Variants in PPARA observed in about 807,000 individuals in gnomAD.
The protein encoded by PPARA is peroxisome proliferator activated receptor alpha, also known as peroxisome proliferator-activated receptor alpha.
PPARA carries 22 observed loss-of-function variants against 42.2 expected under a neutral mutation model. That is an observed-to-expected ratio of 0.52 (90% confidence interval 0.37 to 0.74). The LOEUF (loss-of-function observed/expected upper bound fraction) is 0.74, where lower values mean the gene tolerates loss of function less well. Among genes scored for constraint, PPARA ranks in the 30% least tolerant of loss-of-function variants. The pLI is 0.00. For missense variants in PPARA, 465 were observed against 608.2 expected (o/e 0.76, Z 2.48); for synonymous variants, 242 against 239.3 (o/e 1.01, Z -0.10).
intron 3 of PPARA, among the ~76,000 whole-genome samples, chr22:46,185,836 G>C (rs1309882143): frequency 4.3e-5 from 6 of 139,312 alleles, no homozygotes; most frequent in African/African-American, 1.6e-4. Context: ...CAGAGGTTGT[G>C]GTGAGCCAAG....
At chr22:46,205,390 TG>T (rs1241537757) in intron 4 of PPARA, among the ~76,000 whole-genome samples, 3 of 149,238 alleles carry the variant, frequency 2.0e-5, no homozygotes, top group African/African-American at 7.4e-5. Context: ...GTAAGTTTTT[TG>T]TATTTATTTG....
At chr22:46,174,603 G>A (rs1928727864) in intron 2 of PPARA, among the ~76,000 whole-genome samples, 1 of 151,908 alleles carries the variant, frequency 6.6e-6, no homozygotes. Flanking sequence ...GATCACCTGA[G>A]CTCAGGAGTT....
chr22:46,215,043 G>T (rs971184746), intron 4 of PPARA, 130 bp from the exon 5 acceptor site: 7 of 1,140,130 alleles, frequency 6.1e-6, no homozygotes, highest in Non-Finnish European at 9.1e-6. Context: ...GCCCGGCCCC[G>T]CATGGGTGTT....
chr22:46,224,028 A>T lies in PPARA; in HGVS notation c.711+4014A>T, dbSNP rs1180075894. Among the ~76,000 whole-genome samples, 2 of 152,164 alleles carry T rather than the reference A, an allele frequency of 1.3e-5. No individual in the cohort carries two copies. Among genetic ancestry groups the T allele is most frequent in the African/African-American group, 4.8e-5 (2 of 41,428 alleles). ...ACAATTTGGTTTTCTGTAGAAAAAG[A>T]GAACCGGGCACTCTTCCGAGAGTCA... is the stretch of plus-strand genomic sequence containing the variant. On this transcript the variant is annotated intron_variant, in intron 7 of 8. Transcript: ENST00000407236. This position sits in a 1 kb window ranked among gnomAD's most constrained non-coding sequence, Gnocchi z 5.7.
rs60894989 is a variant in PPARA, at chr22:46,217,819, C to CTTTTTT, written c.370-420_370-415dup. Among the ~76,000 whole-genome samples the CTTTTTT allele has an allele frequency of 5.2e-3, 400 of 77,058 alleles. 27 individuals carry two copies. The highest frequency in any genetic ancestry group is 0.013 in the African/African-American group (206 of 16,198). The allele number at this position is 77,058 out of a possible 152,430, so 50.6% of individuals were successfully genotyped here. On this transcript the variant is annotated intron_variant, in intron 5 of 8. Transcript: ENST00000407236. Reference sequence around the variant, plus strand: ...GACTTCTTAGAAGAACTATTTCTTTCTTTTTTTTTTTTTTTTTTTTTTTTT... The same window carrying CTTTTTT: ...GACTTCTTAGAAGAACTATTTCTTTCTTTTTTTTTTTTTTTTTTTTTTTTTTTTTTT...
chr22:46,157,262 T>C (rs1015825420), intron 2 of PPARA, among the ~76,000 whole-genome samples: 1 of 152,238 alleles, frequency 6.6e-6, no homozygotes, highest in South Asian at 2.1e-4. Context: ...GAAGAATGTA[T>C]TGATGGGCCT....
chr22:46,223,966 A>AAAGAAATG (rs1935205237), intron 7 of PPARA, among the ~76,000 whole-genome samples: 1 of 151,664 alleles, frequency 6.6e-6, no homozygotes, highest in South Asian at 2.1e-4. Flanking sequence ...AAAAAAAAAG[A>AAAGAAATG]AAGAAATGAT....
At chr22:46,220,059 C>T in intron 7 of PPARA, 45 bp downstream of exon 7, 1 of 1,594,750 alleles carries the variant, frequency 6.3e-7, no homozygotes, top group Non-Finnish European at 8.6e-7. Flanking sequence ...AACATGGAAC[C>T]AGTGTCGTAG....
chr22:46,228,929 C>G (rs1165961665), intron 7 of PPARA, among the ~76,000 whole-genome samples: 2 of 151,404 alleles, frequency 1.3e-5, no homozygotes, highest in African/African-American at 4.9e-5. Context: ...ACGGTGAAAC[C>G]CCGTCTCTAC....
intron 2 of PPARA, among the ~76,000 whole-genome samples, chr22:46,168,856 G>A (rs1031591664): frequency 3.3e-5 from 5 of 151,888 alleles, no homozygotes; most frequent in African/African-American, 1.2e-4. Context: ...AGCCACTTTG[G>A]AAAACATTTT....
rs937737671 is a variant in PPARA, at chr22:46,225,226, G to A, written c.711+5212G>A. On this transcript the variant is annotated intron_variant, in intron 7 of 8. Transcript: ENST00000407236. This position sits in a 1 kb window ranked among gnomAD's most constrained non-coding sequence, Gnocchi z 4.1. ...TTTGAGCCCCTGAGATTTCAGAACC[G>A]TGGGCCAGAAAATGGTCAGGGCCCT... Among the ~76,000 whole-genome samples the A allele has an allele frequency of 2.0e-5, 3 of 152,150 alleles. No individual in the cohort carries two copies. The highest frequency in any genetic ancestry group is 2.9e-5 in the Non-Finnish European group (2 of 68,014).
In PPARA at chr22:46,232,095, A is replaced by T. The variant is rs765161066; in HGVS notation, c.1015A>T (p.Ile339Leu). The T allele has an allele frequency of 6.8e-6, 11 of 1,614,254 alleles. No homozygotes were observed. The highest frequency in any genetic ancestry group is 9.3e-6 in the Non-Finnish European group (11 of 1,180,048). Residue 339 changes from isoleucine (I) to leucine (L), a missense_variant, in exon 8 of 9, where the codon ATA becomes TTA. Physicochemically the swap from Ile to Leu is conservative, Grantham distance 5 (BLOSUM62 2). Transcript: ENST00000407236. The surrounding 1 kb of genome is among the most constrained non-coding windows in gnomAD (Gnocchi z 5.3). Reference protein sequence around the residue: ...GMLVAYGNGFITREFLKSLRK... With the variant: ...GMLVAYGNGFLTREFLKSLRK... ...GCTGGTAGCGTATGGAAATGGGTTT[A>T]TAACTCGTGAATTCCTAAAAAGCCT...
chr22:46,219,840 T>C lies in PPARA; in HGVS notation c.537T>C (p.Ser179=). ...TTCGTTTTGGACGAATGCCAAGATCTGAGAAAGCAAAACTGAAAGCAGAAA... is the reference window on the plus strand; with the variant it reads ...TTCGTTTTGGACGAATGCCAAGATCCGAGAAAGCAAAACTGAAAGCAGAAA... ...NAIRFGRMPR[S]EKAKLKAEIL... is the part of the protein sequence containing the mutation. Residue 179 remains serine, a synonymous_variant, in exon 7 of 9, where the codon TCT becomes TCC. Coordinates refer to ENST00000407236, the MANE Select transcript of PPARA (RefSeq NM_005036.6). This position sits in a 1 kb window ranked among gnomAD's most constrained non-coding sequence, Gnocchi z 4.8. 1 of 1,614,210 alleles carries C rather than the reference T, an allele frequency of 6.2e-7. No individual in the cohort carries two copies. The highest frequency in any genetic ancestry group is 8.5e-7 in the Non-Finnish European group (1 of 1,180,040).
At position 46,242,731 on chromosome 22, in the gene PPARA, G is replaced by GCGCGCGCGCGCGCACACACACA. The variant is rs10643430; in HGVS notation, c.*7352_*7353insGCGCGCGCGCGCACACACACAC. On this transcript the variant is annotated 3_prime_UTR_variant, in exon 9 of 9. Coordinates refer to ENST00000407236, the MANE Select transcript of PPARA (RefSeq NM_005036.6). This position sits in a 1 kb window ranked among gnomAD's most constrained non-coding sequence, Gnocchi z 6.1. ...AAATACACTGCGTACACGTGTGCGT[G>GCGCGCGCGCGCGCACACACACA]CACACACACACACACACACACACAC... 7.5e-6 allele frequency: 1 copy of GCGCGCGCGCGCGCACACACACA among 132,700 alleles called. No homozygotes were observed. Among genetic ancestry groups the GCGCGCGCGCGCGCACACACACA allele is most frequent in the African/African-American group, 2.5e-5 (1 of 39,858 alleles). 8.2% of individuals were successfully genotyped at this position (132,700 alleles called of 1,614,324 possible). A position where few individuals can be genotyped will look rare whatever the true frequency, so the allele number is the denominator to read the frequency against.
intron 2 of PPARA, among the ~76,000 whole-genome samples, chr22:46,168,242 C>T (rs1032523599): frequency 7.4e-5 from 11 of 148,994 alleles, no homozygotes; most frequent in African/African-American, 2.7e-4. Context: ...GTCCTAGCTA[C>T]TCGGGAGGCT....
rs1935644840 is a variant in PPARA at position 46,228,655 on chromosome 22, G to A, written c.712-3137G>A. Among the ~76,000 whole-genome samples the A allele has an allele frequency of 2.0e-5, 3 of 152,180 alleles. No individual in the cohort carries two copies. In the South Asian group the frequency reaches 6.2e-4, roughly 32 times the overall value. ...ACCAAAAAACAATAAATAACACCAA[G>A]CATTCTGTAATCAAACACTGTAGGA... On this transcript the variant is annotated intron_variant, in intron 7 of 8. Transcript: ENST00000407236.
intron 3 of PPARA, among the ~76,000 whole-genome samples, chr22:46,194,273 G>T (rs1931930973): frequency 6.6e-6 from 1 of 152,202 alleles, no homozygotes; most frequent in East Asian, 1.9e-4. Context: ...ATTGTATCTT[G>T]GTTAGCTCTT....
At chr22:46,226,026 T>C (rs776209468) in intron 7 of PPARA, among the ~76,000 whole-genome samples, 1 of 151,580 alleles carries the variant, frequency 6.6e-6, no homozygotes, top group Non-Finnish European at 1.5e-5. Flanking sequence ...TTCACACAGA[T>C]GCATACACAC....
At chr22:46,206,925 AG>A (rs1384218371) in intron 4 of PPARA, among the ~76,000 whole-genome samples, 48 of 152,100 alleles carry the variant, frequency 3.2e-4, no homozygotes, top group African/African-American at 1.2e-3. Context: ...CATTCTAGAA[AG>A]TATGTGATTC....
Sources: allele counts gnomAD v4.1 joint callset (sites outside exome capture counted in the v4.1 genomes callset), GRCh38; gene constraint gnomAD v4.1.1; non-coding constraint Gnocchi (gnomAD v3.1); transcripts MANE v1.5; gene names NCBI Gene and HGNC (gene_info 2026-07-23, HGNC 2026-07-21).